PARP4: variants seen among roughly 807,000 people sequenced by gnomAD.
PARP4 encodes poly(ADP-ribose) polymerase family member 4, also known as protein mono-ADP-ribosyltransferase PARP4.
PARP4 carries 120 observed loss-of-function variants against 187.7 expected under a neutral mutation model. That is an observed-to-expected ratio of 0.64 (90% CI 0.55 to 0.74). The LOEUF is 0.74. Ranked by LOEUF, PARP4 falls within the 30% of genes least tolerant of loss-of-function variation. The probability of loss-of-function intolerance (pLI) is 0.00; values close to 1 mark genes in which losing one functional copy is unlikely to be tolerated. For synonymous variants in PARP4, 654 were observed against 740.9 expected (o/e 0.88, Z 1.90); for missense variants, 1,836 against 2,070.5 (o/e 0.89, Z 2.20).
chr13:24,452,574 C>T lies in PARP4; in HGVS notation c.2846G>A (p.Gly949Glu), dbSNP rs1351197398. 1.2e-6 allele frequency: 2 copies of T among 1,613,162 alleles called. No individual in the cohort carries two copies. The highest frequency in any genetic ancestry group is 2.2e-5 in the East Asian group (1 of 44,864). The change falls in exon 24 of 34, where the codon GGG (glycine) becomes GAG (glutamate). Residue 949 changes from glycine (G) to glutamate (E), a missense_variant. Gly to Glu is a moderately conservative substitution (Grantham distance 98). Transcript: ENST00000381989. ...GAGTGTTTTCCAGAAGTCTGTGTTC[C>T]CCATGGTAGGTGTGGCAGACTGGAG... ...EFIMSATPTMGNTDFWKTLRY... is the reference protein window; with the variant it reads ...EFIMSATPTMENTDFWKTLRY...
At chr13:24,477,985 T>G (rs1367826775) in intron 13 of PARP4, 108 bp downstream of exon 13, 1 of 1,067,672 alleles carries the variant, frequency 9.4e-7, no homozygotes, top group Non-Finnish European at 1.3e-6. Flanking sequence ...AGTAAATATA[T>G]AACAATTATT....
chr13:24,455,614 CTTTT>C (rs1233823030), intron 21 of PARP4, among the ~76,000 whole-genome samples: 11 of 116,288 alleles, frequency 9.5e-5, no homozygotes, highest in Admixed American at 3.6e-4. Context: ...TGTAAGTTTC[CTTTT>C]TTTTTTTTTT....
intron 13 of PARP4, 77 bp downstream of exon 13, chr13:24,478,016 G>T: frequency 8.4e-7 from 1 of 1,195,702 alleles, no homozygotes; most frequent in Non-Finnish European, 1.2e-6. Flanking sequence ...CATATTTAAT[G>T]AAAATAGGAG....
intron 3 of PARP4, 71 bp from the exon 4 acceptor site, chr13:24,500,453 T>C: frequency 1.0e-6 from 1 of 952,528 alleles, no homozygotes. Flanking sequence ...ACCTAAGTGC[T>C]GGAATTGTTA....
Position 24,472,789 on chromosome 13 carries a change from C to T in PARP4, c.1914+2683G>A, listed in dbSNP as rs569555046. On this transcript the variant is annotated intron_variant, in intron 15 of 33. Transcript: ENST00000381989. ...ACCCTCCTGTGATGCTTGTCTTTTG[C>T]TTTGACCAGTTCTTACTCACTTGGT... Among the ~76,000 whole-genome samples the T allele has an allele frequency of 3.9e-5, 6 of 152,106 alleles. No homozygotes were observed. The South Asian group carries it at 1.2e-3, about 32-fold the overall frequency.
chr13:24,492,496 T>A lies in PARP4; in HGVS notation c.978A>T (p.Arg326Ser). 13 of 1,613,980 alleles carry A rather than the reference T, an allele frequency of 8.1e-6. No homozygotes were observed. The highest frequency in any genetic ancestry group is 1.0e-5 in the Non-Finnish European group (12 of 1,179,836). ...QLQKMMTEFY[R>S]LIPHKGTMPK... is the part of the protein sequence containing the mutation. ...GCATTGTGCCTTTGTGAGGTATCAG[T>A]CTGTAAAACTCTGTCATCATCTTTT... The change falls in exon 9 of 34, where the codon AGA (arginine) becomes AGT (serine). Residue 326 changes from arginine (R) to serine (S), a missense_variant. Arg to Ser is a moderately radical substitution (Grantham distance 110). Coordinates refer to ENST00000381989, the MANE Select transcript of PARP4 (RefSeq NM_006437.4).
chr13:24,491,991 G>A (rs7326065), intron 9 of PARP4, among the ~76,000 whole-genome samples: 16,714 of 152,142 alleles, frequency 0.11, 989 homozygotes, highest in African/African-American at 0.12. Context: ...ACAGAGGGAC[G>A]GAAGGAGGCT....
intron 16 of PARP4, 93 bp downstream of exon 16, chr13:24,469,801 T>TATCATGGC: frequency 7.4e-7 from 1 of 1,345,992 alleles, no homozygotes; most frequent in Admixed American, 2.2e-5. Context: ...CTACTCAACC[T>TATCATGGC]TGTAGCCATG....
intron 12 of PARP4, among the ~76,000 whole-genome samples, chr13:24,482,896 C>T (rs1427487195): frequency 6.6e-6 from 1 of 152,218 alleles, no homozygotes; most frequent in African/African-American, 2.4e-5. Context: ...CCACAGTCCA[C>T]TTGTTTCAAC....
intron 10 of PARP4, among the ~76,000 whole-genome samples, chr13:24,488,955 A>C (rs1868471215): frequency 6.6e-6 from 1 of 152,206 alleles, no homozygotes; most frequent in South Asian, 2.1e-4. Flanking sequence ...AGGTTCACCC[A>C]TTTGTAGTAT....
chr13:24,446,644 C>G (rs9318553), intron 27 of PARP4, 37 bp downstream of exon 27: 1,203,154 of 1,315,510 alleles, frequency 0.91, 556,293 homozygotes, highest in East Asian at 0.98. Flanking sequence ...TCATAACTTT[C>G]AAACAATGGG....
chr13:24,451,267 A>G (rs550778850), intron 24 of PARP4, among the ~76,000 whole-genome samples: 1 of 152,274 alleles, frequency 6.6e-6, no homozygotes, highest in Admixed American at 6.5e-5. Context: ...CGCAGCTGTG[A>G]GCTCAGCAGG....
chr13:24,459,922 T>TC, intron 18 of PARP4, 50 bp downstream of exon 18: 1 of 1,513,640 alleles, frequency 6.6e-7, no homozygotes, highest in South Asian at 1.2e-5. Flanking sequence ...CCTCCACCAC[T>TC]CCCCCTCCAC....
At chr13:24,501,873 A>G in intron 2 of PARP4, 39 bp from the exon 3 acceptor site, 1 of 1,125,680 alleles carries the variant, frequency 8.9e-7, no homozygotes, top group Non-Finnish European at 1.3e-6. Context: ...GCATCAAGAA[A>G]AACAACATTT....
At chr13:24,472,741 G>A (rs550534759) in intron 15 of PARP4, among the ~76,000 whole-genome samples, 24 of 152,038 alleles carry the variant, frequency 1.6e-4, no homozygotes, top group African/African-American at 5.8e-4. Context: ...TCCTGGCTGC[G>A]GCCCCAGCAC....
chr13:24,423,336 T>C (rs1869842229), intron 33 of PARP4, among the ~76,000 whole-genome samples: 1 of 151,794 alleles, frequency 6.6e-6, no homozygotes, highest in Non-Finnish European at 1.5e-5. Context: ...GAGGCCAGAG[T>C]TCGAGACCAG....
intron 31 of PARP4, 31 bp from the exon 32 acceptor site, chr13:24,431,507 T>G: frequency 7.3e-7 from 1 of 1,373,066 alleles, no homozygotes; most frequent in Non-Finnish European, 1.0e-6. Flanking sequence ...AAATAAGTTA[T>G]GTTATTCACA....
chr13:24,435,430 T>C lies in PARP4; in HGVS notation c.3711A>G (p.Lys1237=), dbSNP rs1349629811. ...SSEWPELRLS[K]RKHRKIPFSK... ...AAAATGGAATTTTCCTATGTTTTCG[T>C]TTGGATAAACGTAATTCTGGCCACT... is the stretch of plus-strand genomic sequence containing the variant. The change falls in exon 31 of 34, where the codon AAA becomes AAG. Residue 1237 remains lysine, a synonymous_variant. Coordinates refer to ENST00000381989, the MANE Select transcript of PARP4 (RefSeq NM_006437.4). 1.2e-6 allele frequency: 2 copies of C among 1,610,206 alleles called. No individual in the cohort carries two copies. Among genetic ancestry groups the C allele is most frequent in the South Asian group, 2.2e-5 (2 of 90,564 alleles).
At chr13:24,461,547 G>C (rs1387641810) in intron 17 of PARP4, among the ~76,000 whole-genome samples, 1 of 152,190 alleles carries the variant, frequency 6.6e-6, no homozygotes, top group Non-Finnish European at 1.5e-5. Flanking sequence ...GAGTGGGTAA[G>C]CTTACTGGTT....
Sources: gnomAD v4.1 joint callset for allele counts (sites outside exome capture counted in the v4.1 genomes callset) on GRCh38, gnomAD v4.1.1 for gene constraint, MANE v1.5 for transcripts, NCBI Gene and HGNC (gene_info 2026-07-23, HGNC 2026-07-21) for gene names.